FAT4: variants seen among roughly 807,000 people sequenced by gnomAD.
FAT4 encodes FAT atypical cadherin 4, also known as protocadherin Fat 4.
In FAT4, 84 loss-of-function variants were observed where a neutral mutation model predicts 303.9. The observed-to-expected ratio is 0.28, with a 90% CI of 0.23 to 0.33. The LOEUF (loss-of-function observed/expected upper bound fraction) is 0.33. Among genes scored for constraint, FAT4 ranks in the 10% least tolerant of loss-of-function variants. FAT4 has a pLI of 1.00. For synonymous variants in FAT4, 2,307 were observed against 2,298.8 expected (o/e 1.00, Z -0.10); for missense variants, 6,005 against 6,146.8 (o/e 0.98, Z 0.77).
At chr4:125,329,589 A>G (rs1280091401) in intron 2 of FAT4, among the ~76,000 whole-genome samples, 2 of 152,066 alleles carry the variant, frequency 1.3e-5, no homozygotes, top group Non-Finnish European at 2.9e-5. Flanking sequence ...GAGGATCTCA[A>G]TCTCATAGCA....
chr4:125,446,182 T>A (rs1725820076), intron 8 of FAT4, 111 bp from the exon 9 acceptor site: 1 of 880,582 alleles, frequency 1.1e-6, no homozygotes, highest in Non-Finnish European at 1.7e-6. Context: ...TGTTGTATGA[T>A]CTTTCTTGTA....
At chr4:125,359,466 T>A (rs1732566379) in intron 2 of FAT4, among the ~76,000 whole-genome samples, 1 of 152,188 alleles carries the variant, frequency 6.6e-6, no homozygotes, top group South Asian at 2.1e-4. Flanking sequence ...ATACTGCTTA[T>A]ATGTTCAAAT....
chr4:125,489,830 G>C, intron 17 of FAT4, 71 bp from the exon 18 acceptor site: 1 of 1,248,248 alleles, frequency 8.0e-7, no homozygotes, highest in Non-Finnish European at 1.1e-6. Context: ...CAAGAACCCA[G>C]CAGTGTAGTA....
chr4:125,319,633 C>T lies in FAT4; in HGVS notation c.3222C>T (p.Asp1074=). The change falls in exon 2 of 18, where the codon GAC becomes GAT. Residue 1074 remains aspartate (D), a synonymous_variant. Coordinates refer to ENST00000394329, the MANE Select transcript of FAT4 (RefSeq NM_001291303.3). ...DRYVLMVVAS[D]RAVEPLSATV... is the part of the protein sequence containing the mutation. Reference sequence around the variant, plus strand: ...ATGTTTTAATGGTTGTTGCTTCTGACAGAGCAGTGGAACCCCTTAGTGCTA... The same window carrying T: ...ATGTTTTAATGGTTGTTGCTTCTGATAGAGCAGTGGAACCCCTTAGTGCTA... 1.9e-6 allele frequency: 3 copies of T among 1,613,866 alleles called. No individual in the cohort carries two copies. Among genetic ancestry groups the T allele is most frequent in the Non-Finnish European group, 2.5e-6 (3 of 1,179,762 alleles).
chr4:125,340,766 T>G (rs1005839511), intron 2 of FAT4, among the ~76,000 whole-genome samples: 1 of 152,142 alleles, frequency 6.6e-6, no homozygotes, highest in Non-Finnish European at 1.5e-5. Context: ...AGTAGTAGTA[T>G]TAGCAGTAAT....
intron 8 of FAT4, among the ~76,000 whole-genome samples, chr4:125,445,889 T>C (rs1725807260): frequency 6.6e-6 from 1 of 152,164 alleles, no homozygotes; most frequent in Non-Finnish European, 1.5e-5. Flanking sequence ...TTTATTATGG[T>C]ATACAGCAGA....
At position 125,372,652 on chromosome 4, in the gene FAT4, A is replaced by T. The variant is rs116406314; in HGVS notation, c.5176-26132A>T. Among the ~76,000 whole-genome samples, 1,063 of 152,272 alleles carry T rather than the reference A, an allele frequency of 7.0e-3. 17 individuals carry two copies. The highest frequency in any genetic ancestry group is 0.025 in the African/African-American group (1,022 of 41,554). On this transcript the variant is annotated intron_variant, in intron 2 of 17. Transcript: ENST00000394329. ...CTCTTTTTACATACGTGGCACAATGATTCATGATTTGTTATATTGTGAATG... is the reference window on the plus strand; with the variant it reads ...CTCTTTTTACATACGTGGCACAATGTTTCATGATTTGTTATATTGTGAATG...
rs1206085328 is a variant in FAT4, at chr4:125,321,203, A to C, written c.4792A>C (p.Asn1598His). 1 of 1,614,122 alleles carries C rather than the reference A, an allele frequency of 6.2e-7. No individual in the cohort carries two copies. The highest frequency in any genetic ancestry group is 8.5e-7 in the Non-Finnish European group (1 of 1,180,006). Residue 1598 changes from asparagine to histidine, a missense_variant, in exon 2 of 18, where the codon AAT (asparagine) becomes CAT (histidine). Physicochemically the swap from Asn to His is moderately conservative, Grantham distance 68 (BLOSUM62 1). Transcript: ENST00000394329. Reference protein sequence around the residue: ...SALVPSQLIYNLIVSATDLGP... With the variant: ...SALVPSQLIYHLIVSATDLGP... ...GTTGGTGCCTTCACAGTTGATCTAC[A>C]ATCTCATAGTTTCAGCAACAGACCT...
rs776878900 is a variant in FAT4, at chr4:125,434,242, T to G, written c.7019-3T>G. The G allele has an allele frequency of 2.5e-6, 4 of 1,604,408 alleles. No homozygotes were observed. The African/African-American group carries it at 4.0e-5, about 16-fold the overall frequency. On this transcript the variant is annotated splice_region_variant and splice_polypyrimidine_tract_variant and intron_variant, in intron 7 of 17. Coordinates refer to ENST00000394329, the MANE Select transcript of FAT4 (RefSeq NM_001291303.3). ...TTGAGACTTGATTTTCTTTTCTTTT[T>G]AGGATCCCCTGCCTTGACTGGAACT...
At position 125,440,610 on chromosome 4, in the gene FAT4, T is replaced by TGTGTGTGTGTGTGTGTGAGA. The variant is rs372756130; in HGVS notation, c.7200-5682_7200-5681insTGTGTGTGTGTGTGTGAGAG. 1.8e-4 allele frequency among the ~76,000 whole-genome samples: 14 copies of TGTGTGTGTGTGTGTGTGAGA among 75,748 alleles called. No individual in the cohort carries two copies. The Admixed American group carries it at 2.4e-3, about 13-fold the overall frequency. 49.7% of individuals were successfully genotyped at this position (75,748 alleles called of 152,430 possible). ...GTGTGTGTGTGTGTGTGTGTGTGTG[T>TGTGTGTGTGTGTGTGTGAGA]GAGAGAGAGAGAGAGAGAGAGAGAG... On this transcript the variant is annotated intron_variant, in intron 8 of 17. Coordinates refer to ENST00000394329, the MANE Select transcript of FAT4 (RefSeq NM_001291303.3).
intron 2 of FAT4, among the ~76,000 whole-genome samples, chr4:125,355,156 C>T (rs1228184365): frequency 6.6e-6 from 1 of 151,720 alleles, no homozygotes; most frequent in African/African-American, 2.4e-5. Context: ...GGTATTGACA[C>T]CGGATAGAAA....
intron 12 of FAT4, among the ~76,000 whole-genome samples, chr4:125,471,837 G>T (rs917341196): frequency 7.3e-6 from 1 of 137,042 alleles, no homozygotes; most frequent in African/African-American, 2.7e-5. Flanking sequence ...GGATCACGAG[G>T]TCAGGAGATC....
In FAT4 at chr4:125,338,718, ATTAT is replaced by A. The variant is rs1731664409; in HGVS notation, c.5175+17137_5175+17140del. On this transcript the variant is annotated intron_variant, in intron 2 of 17. Coordinates refer to ENST00000394329, the MANE Select transcript of FAT4 (RefSeq NM_001291303.3). ...TTTCTGTAATCTCAACACAATTGAG[ATTAT>A]TTATCCTGTCTGAGCTTTTGGTTTT... 2.0e-5 allele frequency among the ~76,000 whole-genome samples: 3 copies of A among 152,096 alleles called. No individual in the cohort carries two copies. The South Asian group carries it at 6.2e-4, about 32-fold the overall frequency.
intron 2 of FAT4, among the ~76,000 whole-genome samples, chr4:125,334,669 T>C (rs1055058934): frequency 3.3e-5 from 5 of 152,192 alleles, no homozygotes; most frequent in African/African-American, 1.2e-4. Context: ...CCAAAACCAA[T>C]TGTGATTATG....
At chr4:125,329,085 C>T (rs1731272256) in intron 2 of FAT4, among the ~76,000 whole-genome samples, 1 of 152,104 alleles carries the variant, frequency 6.6e-6, no homozygotes, top group Non-Finnish European at 1.5e-5. Flanking sequence ...CTTTATTAAC[C>T]TATAATCTGT....
chr4:125,481,202 ACATATTACCAACAAGTG>A (rs1187131565), intron 15 of FAT4, among the ~76,000 whole-genome samples: 1 of 152,228 alleles, frequency 6.6e-6, no homozygotes, highest in African/African-American at 2.4e-5. Flanking sequence ...TTTTTCAAGT[ACATATTACCAACAAGTG>A]CCTGTCTTTA....
intron 11 of FAT4, among the ~76,000 whole-genome samples, chr4:125,464,936 G>T (rs1726610727): frequency 6.6e-6 from 1 of 152,084 alleles, no homozygotes; most frequent in Non-Finnish European, 1.5e-5. Flanking sequence ...GTAGATAATA[G>T]AATTTAAAAG....
intron 7 of FAT4, among the ~76,000 whole-genome samples, chr4:125,417,827 T>C (rs1022436791): frequency 1.6e-4 from 24 of 152,282 alleles, no homozygotes; most frequent in Admixed American, 1.2e-3. Flanking sequence ...TGAAATAGAC[T>C]GGCATTTCTG....
Position 125,415,830 on chromosome 4 carries a change from G to A in FAT4, c.6843+24G>A, listed in dbSNP as rs1578618279. 6 of 1,548,126 alleles carry A rather than the reference G, an allele frequency of 3.9e-6. No homozygotes were observed. The East Asian group carries it at 1.4e-4, about 35-fold the overall frequency. On this transcript the variant is annotated intron_variant, in intron 6 of 17. Transcript: ENST00000394329. ...AGGTCAGTATATTTAAATAAAGCAA[G>A]TATTGTCTTAATTATAAGACATCTA... is the stretch of plus-strand genomic sequence containing the variant.
Sources: gnomAD v4.1 joint callset for allele counts (sites outside exome capture counted in the v4.1 genomes callset) on GRCh38, gnomAD v4.1.1 for gene constraint, MANE v1.5 for transcripts, NCBI Gene and HGNC (gene_info 2026-07-23, HGNC 2026-07-21) for gene names.